Variants in SCAF1 observed in about 807,000 individuals in gnomAD.
SCAF1 encodes SR-related CTD associated factor 1.
In SCAF1, 28 loss-of-function variants were observed where a neutral mutation model predicts 91.2. The ratio of observed to expected loss-of-function variants is 0.31; its 90% CI spans 0.23 to 0.42. The LOEUF (loss-of-function observed/expected upper bound fraction) is 0.42, where lower values mean the gene tolerates loss of function less well. Ranked by LOEUF, SCAF1 falls within the 10% of genes least tolerant of loss-of-function variation. The pLI, the probability that SCAF1 is intolerant of heterozygous loss-of-function variation, is 1.00. For synonymous variants in SCAF1, 1,036 were observed against 833.7 expected, an observed-to-expected ratio of 1.24 and a Z score of -4.18; for missense variants, 1,893 against 1,872.1, an observed-to-expected ratio of 1.01 and a Z score of -0.21.
Position 49,651,607 on chromosome 19 carries a change from G to T in SCAF1, c.1218G>T (p.Ala406=). 2 of 1,512,192 alleles carry T rather than the reference G, an allele frequency of 1.3e-6. No homozygotes were observed. The allele number at this position is 1,512,192 out of a possible 1,614,324, so 93.7% of individuals were successfully genotyped here. ...AGCCGGAGGAGGAGCCCAGGCTGGC[G>T]CTGTCCCTCTTCCGCCCCGGCGGCC... ...IVQPEEEPRL[A]LSLFRPGGRA... is the part of the protein sequence containing the mutation. The change falls in exon 7 of 11, where the codon GCG becomes GCT. Residue 406 remains alanine (A), a synonymous_variant. Transcript: ENST00000360565.
Position 49,646,214 on chromosome 19 carries a change from G to A in SCAF1, c.261+12G>A. On this transcript the variant is annotated intron_variant, in intron 4 of 10. Coordinates refer to ENST00000360565, the MANE Select transcript of SCAF1 (RefSeq NM_021228.3). This position sits in a 1 kb window ranked among gnomAD's most constrained non-coding sequence, Gnocchi z 5.6. Reference sequence around the variant, plus strand: ...CTGACACGGCTACTGTGAGTAAGAAGAGGGGGCTGGGGGCCTGGCTCACGG... The same window carrying A: ...CTGACACGGCTACTGTGAGTAAGAAAAGGGGGCTGGGGGCCTGGCTCACGG... 2 of 1,601,550 alleles carry A rather than the reference G, an allele frequency of 1.2e-6. No individual in the cohort carries two copies. The highest frequency in any genetic ancestry group is 1.7e-6 in the Non-Finnish European group (2 of 1,176,578).
At chr19:49,650,059 A>G (rs977944082) in intron 6 of SCAF1, among the ~76,000 whole-genome samples, 4 of 152,236 alleles carry the variant, frequency 2.6e-5, no homozygotes, top group African/African-American at 9.6e-5. Flanking sequence ...TACTTAGCAC[A>G]GTGCAGCGGG....
At position 49,652,694 on chromosome 19, in the gene SCAF1, C is replaced by T. The variant is rs1282339778; in HGVS notation, c.2305C>T (p.Arg769Cys). 6 of 1,572,640 alleles carry T rather than the reference C, an allele frequency of 3.8e-6. No individual in the cohort carries two copies. The highest frequency in any genetic ancestry group is 4.3e-6 in the Non-Finnish European group (5 of 1,159,212). The change falls in exon 7 of 11, where the codon CGT becomes TGT. Residue 769 changes from arginine to cysteine, a missense_variant. Transcript: ENST00000360565. Reference sequence around the variant, plus strand: ...CTCCTCTTCCCGGGAGAAGGGGTCTCGTCGGAAGGCGCTGGACGGGGGTGA... The same window carrying T: ...CTCCTCTTCCCGGGAGAAGGGGTCTTGTCGGAAGGCGCTGGACGGGGGTGA... ...SSSSSREKGS[R>C]RKALDGGDRD...
Position 49,654,881 on chromosome 19 carries a change from C to G in SCAF1, c.3618+11C>G, listed in dbSNP as rs770924256. 3.8e-6 allele frequency: 6 copies of G among 1,561,598 alleles called. No homozygotes were observed. The African/African-American group carries it at 8.2e-5, about 21-fold the overall frequency. The stretch of plus-strand genomic sequence containing the variant: ...GGGGACACAGATAAGGTGAGCTGGC[C>G]TGGGGAGAGGTGGGGCGGTGCTGAC... On this transcript the variant is annotated intron_variant, in intron 9 of 10. Transcript: ENST00000360565.
At position 49,651,754 on chromosome 19, in the gene SCAF1, C is replaced by T. The variant is rs1003735583; in HGVS notation, c.1365C>T (p.Gly455=). 7.5e-6 allele frequency: 10 copies of T among 1,325,990 alleles called. No homozygotes were observed. In the East Asian group the frequency reaches 2.3e-4, roughly 31 times the overall value. 82.1% of individuals were successfully genotyped at this position (1,325,990 alleles called of 1,614,324 possible). The change falls in exon 7 of 11, where the codon GGC becomes GGT. Residue 455 remains glycine, a synonymous_variant. Transcript: ENST00000360565. ...DFLSLHAESD[G]EGALQVDLGE... ...TGTCCCTGCATGCGGAGTCGGACGG[C>T]GAGGGCGCCCTGCAGGTGGACCTAG...
rs1222704196 is a variant in SCAF1 at position 49,645,184 on chromosome 19, A to G, written c.108+50A>G. On this transcript the variant is annotated intron_variant, in intron 2 of 10. Transcript: ENST00000360565. The surrounding 1 kb of genome is among the most constrained non-coding windows in gnomAD (Gnocchi z 4.6). ...TGAGGGATGGAGGAGCTGGGCATCCACACTCCAGGGGCCTGACTCCAGGGC... is the reference window on the plus strand; with the variant it reads ...TGAGGGATGGAGGAGCTGGGCATCCGCACTCCAGGGGCCTGACTCCAGGGC... 2 of 1,560,860 alleles carry G rather than the reference A, an allele frequency of 1.3e-6. No homozygotes were observed. The highest frequency in any genetic ancestry group is 4.5e-5 in the East Asian group (2 of 44,488).
At chr19:49,641,196 G>A (rs1262214571), upstream of SCAF1, among the ~76,000 whole-genome samples, 1 of 152,214 alleles carries the variant, frequency 6.6e-6, no homozygotes, top group African/African-American at 2.4e-5. Flanking sequence ...AGACTCCTGA[G>A]TCGGAGGGAG....
rs958381377 is a variant in SCAF1 at position 49,653,728 on chromosome 19, T to C, written c.3316+23T>C. ...CCTGTGAGTGTCCCCTGGGGGAGGG[T>C]GGTGCTGGGGCAGGTGAGACAGGAT... On this transcript the variant is annotated intron_variant, in intron 7 of 10. Coordinates refer to ENST00000360565, the MANE Select transcript of SCAF1 (RefSeq NM_021228.3). 3.3e-6 allele frequency: 5 copies of C among 1,500,618 alleles called. No homozygotes were observed. The African/African-American group carries it at 7.0e-5, about 21-fold the overall frequency. The allele number at this position is 1,500,618 out of a possible 1,614,324, so 93.0% of individuals were successfully genotyped here. A position where few individuals can be genotyped will look rare whatever the true frequency, so the allele number is the denominator to read the frequency against.
In SCAF1 at chr19:49,642,914, G is replaced by A. The variant is rs1331976503; in HGVS notation, c.-7+672G>A. Among the ~76,000 whole-genome samples, 1 of 152,198 alleles carries A rather than the reference G, an allele frequency of 6.6e-6. No individual in the cohort carries two copies. Among genetic ancestry groups the A allele is most frequent in the African/African-American group, 2.4e-5 (1 of 41,438 alleles). The stretch of plus-strand genomic sequence containing the variant: ...GAGGGTCTGGGGTCTCCAAGGTATG[G>A]GTAGTGTCTAATAATGGGTGACAGG... On this transcript the variant is annotated intron_variant, in intron 1 of 10. Transcript: ENST00000360565. The surrounding 1 kb of genome is among the most constrained non-coding windows in gnomAD (Gnocchi z 4.0).
At position 49,646,483 on chromosome 19, in the gene SCAF1, C is replaced by T. The variant is rs1356596947; in HGVS notation, c.262-43C>T. ...TGGGGAAGCAGGATTTGCCAGTCTT[C>T]ATGTGACCAGGGACGGCGTAGAGCC... is the stretch of plus-strand genomic sequence containing the variant. On this transcript the variant is annotated intron_variant, in intron 4 of 10. Coordinates refer to ENST00000360565, the MANE Select transcript of SCAF1 (RefSeq NM_021228.3). The surrounding 1 kb of genome is among the most constrained non-coding windows in gnomAD (Gnocchi z 5.6). 1.3e-6 allele frequency: 2 copies of T among 1,557,694 alleles called. No homozygotes were observed. Among genetic ancestry groups the T allele is most frequent in the South Asian group, 2.2e-5 (2 of 90,046 alleles).
chr19:49,649,621 G>A (rs1429514795), intron 6 of SCAF1, among the ~76,000 whole-genome samples: 1 of 152,068 alleles, frequency 6.6e-6, no homozygotes, highest in Admixed American at 6.6e-5. Context: ...TCAGCCTCCC[G>A]AGTAGTTGGG....
chr19:49,646,018 A>G lies in SCAF1; in HGVS notation c.167-90A>G, dbSNP rs1466008367. 8 of 1,220,800 alleles carry G rather than the reference A, an allele frequency of 6.6e-6. No individual in the cohort carries two copies. In the East Asian group the frequency reaches 1.4e-4, roughly 21 times the overall value. The allele number at this position is 1,220,800 out of a possible 1,614,324, so 75.6% of individuals were successfully genotyped here. A position where few individuals can be genotyped will look rare whatever the true frequency, so the allele number is the denominator to read the frequency against. Reference sequence around the variant, plus strand: ...CATGCGGGAGGCTGGTTCCGCTGTCAGGAACTAGATCAAGCTCCTCTTTCC... The same window carrying G: ...CATGCGGGAGGCTGGTTCCGCTGTCGGGAACTAGATCAAGCTCCTCTTTCC... On this transcript the variant is annotated intron_variant, in intron 3 of 10. Coordinates refer to ENST00000360565, the MANE Select transcript of SCAF1 (RefSeq NM_021228.3). The surrounding 1 kb of genome is among the most constrained non-coding windows in gnomAD (Gnocchi z 5.6).
chr19:49,646,164 C>T lies in SCAF1; in HGVS notation c.223C>T (p.Pro75Ser). The change falls in exon 4 of 11, where the codon CCC becomes TCC. Residue 75 changes from proline (P) to serine (S), a missense_variant. Coordinates refer to ENST00000360565, the MANE Select transcript of SCAF1 (RefSeq NM_021228.3). This position sits in a 1 kb window ranked among gnomAD's most constrained non-coding sequence, Gnocchi z 5.6. ...WRRCRSPRSE[P>S]RSQESGGTDT... The stretch of plus-strand genomic sequence containing the variant: ...GCGCTGCCGGAGTCCACGGTCAGAG[C>T]CCCGTTCCCAGGAATCAGGGGGCAC... The T allele has an allele frequency of 6.2e-7, 1 of 1,611,198 alleles. No homozygotes were observed.
intron 1 of SCAF1, among the ~76,000 whole-genome samples, chr19:49,644,670 C>T (rs1191976410): frequency 2.0e-5 from 3 of 152,142 alleles, no homozygotes; most frequent in African/African-American, 7.2e-5. Context: ...GGCTTTGCCT[C>T]TTAGGAGGCC....
chr19:49,653,049 T>C lies in SCAF1; in HGVS notation c.2660T>C (p.Met887Thr). 6.2e-7 allele frequency: 1 copy of C among 1,613,306 alleles called. No individual in the cohort carries two copies. The highest frequency in any genetic ancestry group is 8.5e-7 in the Non-Finnish European group (1 of 1,179,800). ...CCTGACGAGCGGGCCCCCACTGAGA[T>C]GGCCAAAGCAGCTCCGGGCAGCACC... Reference protein sequence around the residue: ...LKPDERAPTEMAKAAPGSTKP... With the variant: ...LKPDERAPTETAKAAPGSTKP... Residue 887 changes from methionine to threonine, a missense_variant, in exon 7 of 11, where the codon ATG becomes ACG. Met to Thr is a moderately conservative substitution (Grantham distance 81). Around this residue, in one of 5 missense-constraint regions of SCAF1, gnomAD observed 1,436 missense variants for 1,306.8 expected, o/e 1.10. Coordinates refer to ENST00000360565, the MANE Select transcript of SCAF1 (RefSeq NM_021228.3).
rs2122461801 is a variant in SCAF1 at position 49,646,893 on chromosome 19, T to C, written c.478+63T>C. The stretch of plus-strand genomic sequence containing the variant: ...GGAGTTGTGTGGGGATCGGCTGTTT[T>C]TGGTAGTGATGGTAGCGGTGATCAT... On this transcript the variant is annotated intron_variant, in intron 6 of 10. Transcript: ENST00000360565. The surrounding 1 kb of genome is among the most constrained non-coding windows in gnomAD (Gnocchi z 5.6). 1 of 1,247,360 alleles carries C rather than the reference T, an allele frequency of 8.0e-7. No homozygotes were observed. The highest frequency in any genetic ancestry group is 1.1e-6 in the Non-Finnish European group (1 of 887,472). The allele number at this position is 1,247,360 out of a possible 1,614,324, so 77.3% of individuals were successfully genotyped here.
At chr19:49,656,591 G>A (rs1300528077) in intron 9 of SCAF1, among the ~76,000 whole-genome samples, 1 of 152,208 alleles carries the variant, frequency 6.6e-6, no homozygotes, top group African/African-American at 2.4e-5. Flanking sequence ...CTTTTGCAAG[G>A]ATTCTGCCTG....
chr19:49,653,686 C>G lies in SCAF1; in HGVS notation c.3297C>G (p.Thr1099=). The G allele has an allele frequency of 6.3e-7, 1 of 1,576,076 alleles. No homozygotes were observed. The highest frequency in any genetic ancestry group is 1.1e-5 in the South Asian group (1 of 86,978). ...ATCTGCCAGCTGGTGTGGACTGCAC[C>G]ACCAGCGGCGTCCTGGCCTGTGAGT... ...PWNLPAGVDC[T]TSGVLALTAL... The change falls in exon 7 of 11, where the codon ACC becomes ACG. Residue 1099 remains threonine (T), a synonymous_variant. Transcript: ENST00000360565.
intron 9 of SCAF1, 151 bp from the exon 10 acceptor site, chr19:49,657,610 G>A (rs566036354): frequency 1.1e-5 from 10 of 919,378 alleles, no homozygotes; most frequent in South Asian, 1.6e-5. Flanking sequence ...AGCAGAGGGC[G>A]CATGGGACAG....
Sources: allele counts gnomAD v4.1 joint callset (sites outside exome capture counted in the v4.1 genomes callset), GRCh38; gene constraint gnomAD v4.1.1; regional missense constraint gnomAD v4.1.1; non-coding constraint Gnocchi (gnomAD v3.1); transcripts MANE v1.5; gene names NCBI Gene and HGNC (gene_info 2026-07-23, HGNC 2026-07-21).